Variants in RBM27 observed in about 807,000 individuals in gnomAD.
The protein encoded by RBM27 is RNA-binding protein 27.
A neutral mutation model predicts 135.3 loss-of-function variants in RBM27; 22 were observed. The observed-to-expected ratio is 0.16, with a 90% CI of 0.12 to 0.23. The LOEUF is 0.23. Ranked by LOEUF, RBM27 falls within the 10% of genes least tolerant of loss-of-function variation. The pLI, the probability that RBM27 is intolerant of heterozygous loss-of-function variation, is 1.00. For missense variants in RBM27, 1,009 were observed against 1,281.0 expected (o/e 0.79, Z 3.24); for synonymous variants, 481 against 442.4 (o/e 1.09, Z -1.10).
At chr5:146,279,231 C>T (rs186805258) in intron 19 of RBM27, among the ~76,000 whole-genome samples, 227 of 151,316 alleles carry the variant, frequency 1.5e-3, no homozygotes, top group African/African-American at 5.1e-3. Context: ...GGGTGGATCA[C>T]GAGGTCAGGA....
chr5:146,256,047 G>T (rs550991281), intron 10 of RBM27, among the ~76,000 whole-genome samples: 1 of 150,900 alleles, frequency 6.6e-6, no homozygotes, highest in African/African-American at 2.4e-5. Flanking sequence ...GTATAGACGG[G>T]GTTTCACCAT....
At chr5:146,251,322 A>T (rs779485246) in intron 8 of RBM27, among the ~76,000 whole-genome samples, 1 of 152,094 alleles carries the variant, frequency 6.6e-6, no homozygotes, top group East Asian at 1.9e-4. Context: ...TTTAATGGAT[A>T]TGACAGTTTT....
intron 15 of RBM27, among the ~76,000 whole-genome samples, chr5:146,268,870 C>T (rs1215407921): frequency 6.6e-6 from 1 of 152,116 alleles, no homozygotes; most frequent in Non-Finnish European, 1.5e-5. Context: ...CCTAGCCTCA[C>T]ATTTTTAAAC....
chr5:146,227,868 T>C (rs1756744992), intron 3 of RBM27, among the ~76,000 whole-genome samples: 1 of 152,250 alleles, frequency 6.6e-6, no homozygotes, highest in African/African-American at 2.4e-5. Context: ...TTTTCCATAG[T>C]TTACATGAAT....
At chr5:146,228,395 C>T (rs1231100538) in intron 3 of RBM27, among the ~76,000 whole-genome samples, 1 of 150,850 alleles carries the variant, frequency 6.6e-6, no homozygotes, top group Non-Finnish European at 1.5e-5. Context: ...GATTCTCCTG[C>T]CTCAGCCTCC....
chr5:146,251,932 C>A, intron 9 of RBM27, 57 bp downstream of exon 9: 2 of 1,554,890 alleles, frequency 1.3e-6, no homozygotes, highest in Non-Finnish European at 1.8e-6. Context: ...CTCAAGCTGG[C>A]CAGTCTAAGC....
At chr5:146,278,847 G>A (rs1045363209) in intron 19 of RBM27, among the ~76,000 whole-genome samples, 4 of 151,110 alleles carry the variant, frequency 2.6e-5, no homozygotes, top group East Asian at 2.0e-4. Flanking sequence ...TCAGCCTCCC[G>A]AGTAGCTGGG....
At chr5:146,209,127 T>C (rs993215113) in intron 1 of RBM27, among the ~76,000 whole-genome samples, 1 of 152,184 alleles carries the variant, frequency 6.6e-6, no homozygotes, top group African/African-American at 2.4e-5. Context: ...AAGTCTGTTA[T>C]GAGTATTAAT....
At chr5:146,214,212 A>G (rs1373700942) in intron 1 of RBM27, among the ~76,000 whole-genome samples, 1 of 152,184 alleles carries the variant, frequency 6.6e-6, no homozygotes, top group Non-Finnish European at 1.5e-5. Flanking sequence ...GGATATTATT[A>G]CCTTTTCTAA....
chr5:146,252,309 T>C lies in RBM27; in HGVS notation c.1444+434T>C, dbSNP rs574271564. Among the ~76,000 whole-genome samples the C allele has an allele frequency of 1.9e-4, 29 of 152,358 alleles. No homozygotes were observed. In the South Asian group the frequency reaches 6.0e-3, roughly 32 times the overall value. On this transcript the variant is annotated intron_variant, in intron 9 of 20. Transcript: ENST00000265271. ...TTTTGCCCCTTGTATGTGTGCATAATGTAGCGATTCTTAAAAACTCTTTTC... is the reference window on the plus strand; with the variant it reads ...TTTTGCCCCTTGTATGTGTGCATAACGTAGCGATTCTTAAAAACTCTTTTC...
At chr5:146,212,203 G>A (rs575553993) in intron 1 of RBM27, among the ~76,000 whole-genome samples, 18 of 151,930 alleles carry the variant, frequency 1.2e-4, no homozygotes, top group African/African-American at 3.6e-4. Flanking sequence ...TTACAGGCAC[G>A]CGCCACCACG....
rs375368545 is a variant in RBM27, at chr5:146,215,552, T to C, written c.60-3433T>C. The stretch of plus-strand genomic sequence containing the variant: ...TATTTTTCTAAGTCCTTTTCTTCTG[T>C]GTTAGACTACCCTTATCCAAGAACT... On this transcript the variant is annotated intron_variant, in intron 1 of 20. Coordinates refer to ENST00000265271, the MANE Select transcript of RBM27 (RefSeq NM_018989.2). Among the ~76,000 whole-genome samples, 64 of 152,304 alleles carry C rather than the reference T, an allele frequency of 4.2e-4. 1 individual carries two copies. In the South Asian group the frequency reaches 0.013, roughly 31 times the overall value.
At chr5:146,257,527 CTCTT>C (rs1281705628) in intron 10 of RBM27, among the ~76,000 whole-genome samples, 1 of 152,184 alleles carries the variant, frequency 6.6e-6, no homozygotes, top group African/African-American at 2.4e-5. Flanking sequence ...ACTCTCTCTT[CTCTT>C]TCTTCTCTCC....
intron 2 of RBM27, among the ~76,000 whole-genome samples, chr5:146,222,402 G>C (rs1756496682): frequency 6.6e-6 from 1 of 152,222 alleles, no homozygotes; most frequent in Non-Finnish European, 1.5e-5. Context: ...ATAAGACATA[G>C]GCTGGATGTG....
chr5:146,215,080 C>T (rs565643321), intron 1 of RBM27, among the ~76,000 whole-genome samples: 39 of 152,164 alleles, frequency 2.6e-4, no homozygotes, highest in South Asian at 6.2e-4. Flanking sequence ...GACTGAGTCG[C>T]GCTCTATCGC....
At chr5:146,285,014 CAG>C (rs1043624511) in intron 20 of RBM27, among the ~76,000 whole-genome samples, 2 of 151,932 alleles carry the variant, frequency 1.3e-5, no homozygotes, top group Non-Finnish European at 2.9e-5. Flanking sequence ...TGAATAAAGT[CAG>C]AGATTACATA....
chr5:146,281,286 C>T (rs1167938588), intron 19 of RBM27, among the ~76,000 whole-genome samples: 1 of 152,156 alleles, frequency 6.6e-6, no homozygotes, highest in East Asian at 1.9e-4. Context: ...TACAAAGATA[C>T]ATGTGTTAGT....
At chr5:146,220,364 A>AC (rs1756394001) in intron 2 of RBM27, among the ~76,000 whole-genome samples, 2 of 151,718 alleles carry the variant, frequency 1.3e-5, no homozygotes, top group Admixed American at 1.3e-4. Flanking sequence ...AGTCCCAGCT[A>AC]CTCGGGAGGC....
chr5:146,265,152 A>G (rs947164659), intron 14 of RBM27, among the ~76,000 whole-genome samples: 13 of 152,198 alleles, frequency 8.5e-5, no homozygotes, highest in Non-Finnish European at 1.6e-4. Flanking sequence ...CAAGGCTAGT[A>G]ATGATATACT....
Sources: gnomAD v4.1 joint callset for allele counts (sites outside exome capture counted in the v4.1 genomes callset) on GRCh38, gnomAD v4.1.1 for gene constraint, MANE v1.5 for transcripts, NCBI Gene and HGNC (gene_info 2026-07-23, HGNC 2026-07-21) for gene names.